Variants in C3orf20 observed in about 807,000 individuals in gnomAD.
C3orf20 encodes uncharacterized protein C3orf20.
In C3orf20, 76 loss-of-function variants were observed where a neutral mutation model predicts 88.3. That is an observed-to-expected ratio of 0.86 (90% CI 0.72 to 1.04). The LOEUF (loss-of-function observed/expected upper bound fraction) is 1.04, where lower values mean the gene tolerates loss of function less well. Among genes scored for constraint, C3orf20 ranks in the 50% least tolerant of loss-of-function variants. The pLI, the probability that C3orf20 is intolerant of heterozygous loss-of-function variation, is 0.00. For synonymous variants in C3orf20, 436 were observed against 437.4 expected, an observed-to-expected ratio of 1.00 and a Z score of 0.04; for missense variants, 1,056 against 1,123.3, an observed-to-expected ratio of 0.94 and a Z score of 0.86.
chr3:14,696,500 C>T (rs1366045121), intron 5 of C3orf20, among the ~76,000 whole-genome samples: 1 of 151,702 alleles, frequency 6.6e-6, no homozygotes, highest in Non-Finnish European at 1.5e-5. Flanking sequence ...AAGCAAGCCT[C>T]CTGCCTCAGC....
At chr3:14,681,697 A>AC (rs2032101624) in intron 1 of C3orf20, among the ~76,000 whole-genome samples, 1 of 152,206 alleles carries the variant, frequency 6.6e-6, no homozygotes, top group Admixed American at 6.5e-5. Context: ...GACTAGTTTT[A>AC]ATTTGATATA....
At chr3:14,706,547 A>G (rs55639361) in intron 7 of C3orf20, among the ~76,000 whole-genome samples, 1 of 78,262 alleles carries the variant, frequency 1.3e-5, no homozygotes, top group African/African-American at 5.2e-5. Context: ...CCCACCCCCC[A>G]CCCCCAAATG....
chr3:14,690,137 C>G (rs753783364), intron 5 of C3orf20, 21 bp downstream of exon 5: 31 of 1,613,690 alleles, frequency 1.9e-5, no homozygotes, highest in Non-Finnish European at 2.5e-5. Context: ...TTCCTCGTGG[C>G]CTACCATTCA....
chr3:14,746,745 G>T (rs1270586914), intron 12 of C3orf20, among the ~76,000 whole-genome samples: 4 of 152,186 alleles, frequency 2.6e-5, no homozygotes, highest in Non-Finnish European at 5.9e-5. Flanking sequence ...GGGCAGTTTT[G>T]CCTGGAGTTT....
chr3:14,752,043 A>G (rs531635288), intron 12 of C3orf20, among the ~76,000 whole-genome samples: 18 of 152,368 alleles, frequency 1.2e-4, no homozygotes, highest in African/African-American at 4.3e-4. Context: ...AAGCAAAAAG[A>G]ACAAAGCTGG....
chr3:14,738,164 CT>C (rs35948176), intron 12 of C3orf20, among the ~76,000 whole-genome samples: 5,383 of 107,222 alleles, frequency 0.05, 84 homozygotes, highest in African/African-American at 0.12. Context: ...ACAAATATTC[CT>C]TTTTTTTTTT....
intron 7 of C3orf20, among the ~76,000 whole-genome samples, chr3:14,710,158 C>A: frequency 6.6e-6 from 1 of 151,532 alleles, no homozygotes. Flanking sequence ...TACAGCTATT[C>A]ATATTATTGT....
At chr3:14,735,658 A>ATCACAGC (rs1328747662) in intron 12 of C3orf20, among the ~76,000 whole-genome samples, 8 of 151,538 alleles carry the variant, frequency 5.3e-5, no homozygotes, top group Non-Finnish European at 8.8e-5. Flanking sequence ...CGGTGGTGCC[A>ATCACAGC]TCACAGCTCA....
chr3:14,716,269 A>G (rs985714048), intron 9 of C3orf20, among the ~76,000 whole-genome samples: 4 of 152,218 alleles, frequency 2.6e-5, no homozygotes, highest in Admixed American at 2.0e-4. Flanking sequence ...TCAAAAGTCT[A>G]AGGGACTAAT....
intron 7 of C3orf20, among the ~76,000 whole-genome samples, chr3:14,705,299 A>G (rs532006593): frequency 6.6e-6 from 1 of 152,388 alleles, no homozygotes; most frequent in East Asian, 1.9e-4. Flanking sequence ...CTGTGATTGC[A>G]GGGCATTCAC....
chr3:14,695,578 C>T (rs1435186834), intron 5 of C3orf20, among the ~76,000 whole-genome samples: 2 of 152,048 alleles, frequency 1.3e-5, no homozygotes, highest in Non-Finnish European at 1.5e-5. Flanking sequence ...TGTCCAGTGC[C>T]GAAAGTGGGG....
rs1333161337 is a variant in C3orf20 at position 14,702,477 on chromosome 3, G to A, written c.746-653G>A. On this transcript the variant is annotated intron_variant, in intron 5 of 16. Transcript: ENST00000253697. ...TTTTTTTGAGTTGGAGTCTCACTCT[G>A]TCACCCAGGCTGGAGTGCAGTGGTG... Among the ~76,000 whole-genome samples, 7 of 136,270 alleles carry A rather than the reference G, an allele frequency of 5.1e-5. No individual in the cohort carries two copies. In the East Asian group the frequency reaches 1.1e-3, roughly 21 times the overall value. 89.4% of individuals were successfully genotyped at this position (136,270 alleles called of 152,430 possible).
intron 7 of C3orf20, among the ~76,000 whole-genome samples, chr3:14,712,166 A>T (rs2033766179): frequency 4.1e-5 from 1 of 24,278 alleles, no homozygotes; most frequent in African/African-American, 1.9e-4. Context: ...ACACACACGC[A>T]CACACACGCG....
chr3:14,675,914 GCTCCTGAC>G (rs1397693056), intron 1 of C3orf20, among the ~76,000 whole-genome samples: 1 of 151,880 alleles, frequency 6.6e-6, no homozygotes, highest in Non-Finnish European at 1.5e-5. Context: ...CTGGTCTCGA[GCTCCTGAC>G]CTCAGATGAT....
chr3:14,705,652 T>C (rs1425151949), intron 7 of C3orf20, among the ~76,000 whole-genome samples: 3 of 152,192 alleles, frequency 2.0e-5, no homozygotes, highest in Non-Finnish European at 2.9e-5. Context: ...AAACCCAACA[T>C]ATTCTAGAGC....
Position 14,761,503 on chromosome 3 carries a change from G to A in C3orf20, c.2383G>A (p.Gly795Ser), listed in dbSNP as rs1348061078. Reference protein sequence around the residue: ...MFAGGKLIFGGRVLNGYGLSK... With the variant: ...MFAGGKLIFGSRVLNGYGLSK... ...TGCCGGGGGGAAGCTCATTTTTGGGGGCCGTGTTTTGAATGGATATGGCCT... is the reference window on the plus strand; with the variant it reads ...TGCCGGGGGGAAGCTCATTTTTGGGAGCCGTGTTTTGAATGGATATGGCCT... The change falls in exon 15 of 17, where the codon GGC (glycine) becomes AGC (serine). Residue 795 changes from glycine (G) to serine (S), a missense_variant. Gly to Ser is a moderately conservative substitution (Grantham distance 56). Transcript: ENST00000253697. The A allele has an allele frequency of 1.2e-6, 2 of 1,613,948 alleles. No individual in the cohort carries two copies. The highest frequency in any genetic ancestry group is 4.5e-5 in the East Asian group (2 of 44,804).
chr3:14,733,713 G>A (rs993657998), intron 12 of C3orf20, among the ~76,000 whole-genome samples: 4 of 147,820 alleles, frequency 2.7e-5, no homozygotes, highest in East Asian at 2.0e-4. Context: ...TTTTTGAAAC[G>A]GAGTCTCACT....
chr3:14,678,300 T>C (rs1226915272), intron 1 of C3orf20, among the ~76,000 whole-genome samples: 2 of 152,216 alleles, frequency 1.3e-5, no homozygotes, highest in African/African-American at 4.8e-5. Context: ...CACGTGGCCA[T>C]TGGGAACATC....
intron 12 of C3orf20, among the ~76,000 whole-genome samples, chr3:14,737,319 C>T (rs2034747514): frequency 6.6e-6 from 1 of 152,052 alleles, no homozygotes; most frequent in Non-Finnish European, 1.5e-5. Flanking sequence ...CTCCCAAGTA[C>T]ACCTTTTTAC....
Sources: gnomAD v4.1 joint callset for allele counts (sites outside exome capture counted in the v4.1 genomes callset) on GRCh38, gnomAD v4.1.1 for gene constraint, MANE v1.5 for transcripts, NCBI Gene and HGNC (gene_info 2026-07-23, HGNC 2026-07-21) for gene names.